MARK2: variants seen among roughly 807,000 people sequenced by gnomAD.
MARK2 encodes the protein serine/threonine-protein kinase MARK2.
In MARK2, 16 loss-of-function variants were observed where a neutral mutation model predicts 89.8. That is an observed-to-expected ratio of 0.18 (90% CI 0.12 to 0.27). MARK2 has a LOEUF of 0.27. Ranked by LOEUF, MARK2 falls within the 10% of genes least tolerant of loss-of-function variation. MARK2 has a pLI of 1.00. For synonymous variants in MARK2, 382 were observed against 399.5 expected (o/e 0.96, Z 0.52); for missense variants, 621 against 1,049.9 (o/e 0.59, Z 5.65).
In MARK2 at chr11:63,903,556, A is replaced by G. The variant is rs1941073574; in HGVS notation, c.1514+398A>G. ...ATAGAGGGCGACTCCAGCCATCCCC[A>G]TGAGACCAGAGCTCCCCAGCCTTCA... is the stretch of plus-strand genomic sequence containing the variant. On this transcript the variant is annotated intron_variant, in intron 14 of 18. Transcript: ENST00000402010. The surrounding 1 kb of genome is among the most constrained non-coding windows in gnomAD (Gnocchi z 5.1). Among the ~76,000 whole-genome samples, 1 of 151,966 alleles carries G rather than the reference A, an allele frequency of 6.6e-6. No homozygotes were observed. Among genetic ancestry groups the G allele is most frequent in the African/African-American group, 2.4e-5 (1 of 41,348 alleles).
chr11:63,868,672 T>A (rs1938268463), intron 1 of MARK2: 3 of 431,054 alleles, frequency 7.0e-6, no homozygotes, highest in Non-Finnish European at 1.4e-5. Context: ...CTTTGCTGAG[T>A]TCTGTCCTTG....
At chr11:63,894,722 AG>A (rs1240445123) in intron 1 of MARK2, among the ~76,000 whole-genome samples, 1 of 152,170 alleles carries the variant, frequency 6.6e-6, no homozygotes, top group African/African-American at 2.4e-5. Context: ...TAAAAAATAA[AG>A]GTTCATGTAA....
intron 1 of MARK2, among the ~76,000 whole-genome samples, chr11:63,868,218 C>T (rs1450817642): frequency 1.3e-5 from 2 of 151,932 alleles, no homozygotes; most frequent in African/African-American, 4.8e-5. Context: ...ATAGCGAAAC[C>T]CTGTCTCTAT....
In MARK2 at chr11:63,900,053, A is replaced by C; in HGVS notation, c.711A>C (p.Gly237=). ...DGPEVDVWSL[G]VILYTLVSGS... ...CCGAGGTGGATGTGTGGAGCCTAGGAGTTATCCTCTATACACTGGTCAGCG... is the reference window on the plus strand; with the variant it reads ...CCGAGGTGGATGTGTGGAGCCTAGGCGTTATCCTCTATACACTGGTCAGCG... The change falls in exon 8 of 19, where the codon GGA becomes GGC. Residue 237 remains glycine (G), a synonymous_variant. Coordinates refer to ENST00000402010, the MANE Select transcript of MARK2 (RefSeq NM_001039469.3). The surrounding 1 kb of genome is among the most constrained non-coding windows in gnomAD (Gnocchi z 4.7). The C allele has an allele frequency of 6.2e-7, 1 of 1,614,204 alleles. No individual in the cohort carries two copies. Among genetic ancestry groups the C allele is most frequent in the Non-Finnish European group, 8.5e-7 (1 of 1,180,030 alleles).
chr11:63,876,273 T>G (rs1938749219), intron 1 of MARK2, among the ~76,000 whole-genome samples: 1 of 152,128 alleles, frequency 6.6e-6, no homozygotes, highest in Non-Finnish European at 1.5e-5. Flanking sequence ...GGAGAAAACA[T>G]CCATCTCCTT....
At chr11:63,905,956 C>T (rs1941290754) in intron 16 of MARK2, 132 bp from the exon 17 acceptor site, 2 of 612,916 alleles carry the variant, frequency 3.3e-6, no homozygotes, top group Non-Finnish European at 4.8e-6. Context: ...TCTCGCTGAG[C>T]GGCTCTTCCG....
intron 11 of MARK2, among the ~76,000 whole-genome samples, chr11:63,901,395 T>C (rs925215839): frequency 4.9e-5 from 7 of 142,438 alleles, no homozygotes; most frequent in Non-Finnish European, 9.2e-5. Flanking sequence ...TTGTGTCTCT[T>C]TTTGTATCTG....
At chr11:63,863,706 T>C (rs917673033) in intron 1 of MARK2, among the ~76,000 whole-genome samples, 1 of 151,540 alleles carries the variant, frequency 6.6e-6, no homozygotes, top group Non-Finnish European at 1.5e-5. Flanking sequence ...TCAAGTGATC[T>C]GCCTGCCTTT....
At position 63,888,618 on chromosome 11, in the gene MARK2, C is replaced by T. The variant is rs550250904; in HGVS notation, c.55-6541C>T. ...TGGTGTGCTGTCCTGGAATTGCACG[C>T]GCTTCCTGACCACCAGGCTCTGGCC... On this transcript the variant is annotated intron_variant, in intron 1 of 18. Coordinates refer to ENST00000402010, the MANE Select transcript of MARK2 (RefSeq NM_001039469.3). 616 of 1,146,088 alleles carry T rather than the reference C, an allele frequency of 5.4e-4. 4 individuals carry two copies. Among genetic ancestry groups the T allele is most frequent in the Middle Eastern group, 4.1e-4 (1 of 2,460 alleles). 71.0% of individuals were successfully genotyped at this position (1,146,088 alleles called of 1,614,324 possible).
At chr11:63,874,440 T>C (rs1938623942) in intron 1 of MARK2, among the ~76,000 whole-genome samples, 1 of 152,210 alleles carries the variant, frequency 6.6e-6, no homozygotes, top group Non-Finnish European at 1.5e-5. Flanking sequence ...AGGGACCTTA[T>C]GTTGCCTACC....
Position 63,903,014 on chromosome 11 carries a change from G to T in MARK2, c.1417-47G>T. 1 of 1,533,066 alleles carries T rather than the reference G, an allele frequency of 6.5e-7. No individual in the cohort carries two copies. The highest frequency in any genetic ancestry group is 1.1e-5 in the South Asian group (1 of 89,302). 95.0% of individuals were successfully genotyped at this position (1,533,066 alleles called of 1,614,324 possible). On this transcript the variant is annotated intron_variant, in intron 13 of 18. Transcript: ENST00000402010. The surrounding 1 kb of genome is among the most constrained non-coding windows in gnomAD (Gnocchi z 5.1). ...AACCTGGGGGGAGAACCTGGCTGTA[G>T]ACCACTTTGGCTTTCTGATAGAACG... is the stretch of plus-strand genomic sequence containing the variant.
intron 1 of MARK2, among the ~76,000 whole-genome samples, chr11:63,864,201 G>A (rs1388187914): frequency 3.3e-5 from 5 of 151,904 alleles, no homozygotes; most frequent in African/African-American, 1.2e-4. Context: ...TCATCTGCCT[G>A]CCTCGGCCTC....
At chr11:63,908,784 C>T in intron 18 of MARK2, 93 bp from the exon 19 acceptor site, 1 of 1,317,704 alleles carries the variant, frequency 7.6e-7, no homozygotes, top group Non-Finnish European at 1.0e-6. Context: ...CTCCCGCTCT[C>T]CTCTCTGGGC....
At position 63,903,008 on chromosome 11, in the gene MARK2, G is replaced by A. The variant is rs1941028519; in HGVS notation, c.1417-53G>A. ...TCCATGAACCTGGGGGGAGAACCTG[G>A]CTGTAGACCACTTTGGCTTTCTGAT... On this transcript the variant is annotated intron_variant, in intron 13 of 18. Coordinates refer to ENST00000402010, the MANE Select transcript of MARK2 (RefSeq NM_001039469.3). This position sits in a 1 kb window ranked among gnomAD's most constrained non-coding sequence, Gnocchi z 5.1. 2 of 1,488,544 alleles carry A rather than the reference G, an allele frequency of 1.3e-6. No individual in the cohort carries two copies. Among genetic ancestry groups the A allele is most frequent in the Non-Finnish European group, 1.9e-6 (2 of 1,066,898 alleles). The allele number at this position is 1,488,544 out of a possible 1,614,324, so 92.2% of individuals were successfully genotyped here.
chr11:63,840,390 T>C (rs1422277021), intron 1 of MARK2, among the ~76,000 whole-genome samples: 2 of 152,154 alleles, frequency 1.3e-5, no homozygotes. Flanking sequence ...TCCCTGGGCC[T>C]CTTGTTTCTC....
chr11:63,909,308 C>G lies in MARK2; in HGVS notation c.*71C>G. ...GCTGCCGGCCGCTGCGCCGCCCCACCTGGGCGAGACTGCAGCGATGGATTG... is the reference window on the plus strand; with the variant it reads ...GCTGCCGGCCGCTGCGCCGCCCCACGTGGGCGAGACTGCAGCGATGGATTG... On this transcript the variant is annotated 3_prime_UTR_variant, in exon 19 of 19. Transcript: ENST00000402010. 1 of 1,430,860 alleles carries G rather than the reference C, an allele frequency of 7.0e-7. No individual in the cohort carries two copies. The highest frequency in any genetic ancestry group is 9.3e-7 in the Non-Finnish European group (1 of 1,077,374). 88.6% of individuals were successfully genotyped at this position (1,430,860 alleles called of 1,614,324 possible). A position where few individuals can be genotyped will look rare whatever the true frequency, so the allele number is the denominator to read the frequency against.
At position 63,895,658 on chromosome 11, in the gene MARK2, C is replaced by CTTT. The variant is rs544118942; in HGVS notation, c.288+51_288+53dup. On this transcript the variant is annotated intron_variant, in intron 3 of 18. Coordinates refer to ENST00000402010, the MANE Select transcript of MARK2 (RefSeq NM_001039469.3). Reference sequence around the variant, plus strand: ...AGTAAGCACATGGCACCTCCTGTCCCTTTTTTTTTTTTTTTTTTTTTTTTT... The same window carrying CTTT: ...AGTAAGCACATGGCACCTCCTGTCCCTTTTTTTTTTTTTTTTTTTTTTTTTTTT... The CTTT allele has an allele frequency of 8.8e-4, 1,027 of 1,162,230 alleles. 1 individual carries two copies. The highest frequency in any genetic ancestry group is 3.0e-3 in the South Asian group (214 of 72,162). The allele number at this position is 1,162,230 out of a possible 1,614,324, so 72.0% of individuals were successfully genotyped here. A position where few individuals can be genotyped will look rare whatever the true frequency, so the allele number is the denominator to read the frequency against.
At chr11:63,901,718 G>GTGTGTGTGTA (rs1940903475) in intron 11 of MARK2, among the ~76,000 whole-genome samples, 1 of 151,764 alleles carries the variant, frequency 6.6e-6, no homozygotes, top group African/African-American at 2.4e-5. Context: ...GTGTGTGTGT[G>GTGTGTGTGTA]TGTGTATGTG....
chr11:63,906,153 G>T, intron 17 of MARK2, 39 bp downstream of exon 17: 1 of 1,287,714 alleles, frequency 7.8e-7, no homozygotes, highest in Non-Finnish European at 9.9e-7. Context: ...GTGTGTGTGT[G>T]TGTCTGTGTC....
Sources: gnomAD v4.1 joint callset for allele counts (sites outside exome capture counted in the v4.1 genomes callset) on GRCh38, gnomAD v4.1.1 for gene constraint, Gnocchi (gnomAD v3.1) non-coding constraint, MANE v1.5 for transcripts, NCBI Gene and HGNC (gene_info 2026-07-23, HGNC 2026-07-21) for gene names.